The following NMNAT2 variants were observed in gnomAD, a reference collection of about 807,000 sequenced individuals.
NMNAT2 encodes nicotinamide/nicotinic acid mononucleotide adenylyltransferase 2.
NMNAT2 carries 11 observed loss-of-function variants against 41.6 expected under a neutral mutation model. That is an observed-to-expected ratio of 0.26 (90% confidence interval 0.17 to 0.44). The LOEUF is 0.44. Among genes scored for constraint, NMNAT2 ranks in the 20% least tolerant of loss-of-function variants. The pLI is 1.00. For synonymous variants in NMNAT2, 148 were observed against 151.2 expected (o/e 0.98, Z 0.16); for missense variants, 288 against 407.7 (o/e 0.71, Z 2.53).
rs75993232 is a variant in NMNAT2 at position 183,278,359 on chromosome 1, T to C, written c.651+194A>G. 7.1e-3 allele frequency among the ~76,000 whole-genome samples: 1,085 copies of C among 152,260 alleles called. 11 individuals are homozygous for C. Among genetic ancestry groups the C allele is most frequent in the African/African-American group, 0.025 (1,043 of 41,544 alleles). ...TCCCAGGGGCTTTACTGGAGCAAGC[T>C]TGAGGAGGAGTAAGTGTAAAAATGC... On this transcript the variant is annotated intron_variant, in intron 8 of 10. Coordinates refer to ENST00000287713, the MANE Select transcript of NMNAT2 (RefSeq NM_015039.4).
chr1:183,387,377 C>T (rs1274977901), intron 1 of NMNAT2, among the ~76,000 whole-genome samples: 6 of 151,920 alleles, frequency 3.9e-5, no homozygotes, highest in Non-Finnish European at 4.4e-5. Flanking sequence ...TTGAAGAATT[C>T]AGAAAATTAC....
intron 1 of NMNAT2, among the ~76,000 whole-genome samples, chr1:183,313,523 A>T (rs1410754811): frequency 6.6e-6 from 1 of 151,088 alleles, no homozygotes; most frequent in African/African-American, 2.4e-5. Context: ...TCTTTTGCCC[A>T]GGCTGGAGTG....
rs1571637398 is a variant in NMNAT2 at position 183,396,255 on chromosome 1, G to A, written c.85+21928C>T. Among the ~76,000 whole-genome samples the A allele has an allele frequency of 2.0e-5, 3 of 152,254 alleles. 1 individual carries two copies. The highest frequency in any genetic ancestry group is 4.2e-4 in the South Asian group (2 of 4,808). On this transcript the variant is annotated intron_variant, in intron 1 of 10. Coordinates refer to ENST00000287713, the MANE Select transcript of NMNAT2 (RefSeq NM_015039.4). Reference sequence around the variant, plus strand: ...AGGTAGTTAGGCATGAGCAGGGCAGGAGAGGTCTCCCCTGCCCTACCAGGA... The same window carrying A: ...AGGTAGTTAGGCATGAGCAGGGCAGAAGAGGTCTCCCCTGCCCTACCAGGA...
chr1:183,387,075 T>C (rs1648268524), intron 1 of NMNAT2, among the ~76,000 whole-genome samples: 1 of 151,574 alleles, frequency 6.6e-6, no homozygotes, highest in Non-Finnish European at 1.5e-5. Context: ...AGAAAAGCAA[T>C]AATAATATCA....
intron 1 of NMNAT2, among the ~76,000 whole-genome samples, chr1:183,305,763 C>T (rs1035931355): frequency 1.4e-5 from 2 of 143,800 alleles, no homozygotes; most frequent in Non-Finnish European, 3.0e-5. Flanking sequence ...TCTTGTTGCC[C>T]AGGCTGGAGT....
At chr1:183,342,942 G>T (rs1662851280) in intron 1 of NMNAT2, among the ~76,000 whole-genome samples, 2 of 151,334 alleles carry the variant, frequency 1.3e-5, no homozygotes, top group South Asian at 4.2e-4. Context: ...TGTAGAGATG[G>T]GGTCTTGCTT....
chr1:183,358,322 A>G (rs1663239806), intron 1 of NMNAT2, among the ~76,000 whole-genome samples: 1 of 152,154 alleles, frequency 6.6e-6, no homozygotes, highest in Admixed American at 6.5e-5. Flanking sequence ...AATGGGCTTA[A>G]TATCTGGGCA....
chr1:183,326,145 C>T (rs1431033519), intron 1 of NMNAT2, among the ~76,000 whole-genome samples: 10 of 151,974 alleles, frequency 6.6e-5, no homozygotes, highest in Non-Finnish European at 1.5e-5. Flanking sequence ...GGAGGCCGAG[C>T]TGGGTGGATC....
chr1:183,339,158 T>TA (rs1662740414), intron 1 of NMNAT2, among the ~76,000 whole-genome samples: 1 of 151,760 alleles, frequency 6.6e-6, no homozygotes, highest in Non-Finnish European at 1.5e-5. Context: ...AGTGCAGTGG[T>TA]ACGATCTCGG....
chr1:183,348,407 A>G (rs1422510766), intron 1 of NMNAT2, among the ~76,000 whole-genome samples: 1 of 152,200 alleles, frequency 6.6e-6, no homozygotes, highest in Non-Finnish European at 1.5e-5. Flanking sequence ...ATCAAAACCC[A>G]TCCATTGAGC....
At chr1:183,317,706 A>G (rs761519098) in intron 1 of NMNAT2, among the ~76,000 whole-genome samples, 3 of 152,210 alleles carry the variant, frequency 2.0e-5, no homozygotes, top group Non-Finnish European at 4.4e-5. Context: ...CTGGCCAAGA[A>G]GTGAAGGCCC....
intron 3 of NMNAT2, among the ~76,000 whole-genome samples, chr1:183,291,371 T>G (rs1661536338): frequency 6.6e-6 from 1 of 151,896 alleles, no homozygotes; most frequent in Non-Finnish European, 1.5e-5. Flanking sequence ...GGACCCTGGC[T>G]CCCCCTAGAT....
intron 3 of NMNAT2, among the ~76,000 whole-genome samples, chr1:183,290,480 G>A (rs1661512419): frequency 6.6e-6 from 1 of 152,192 alleles, no homozygotes; most frequent in Admixed American, 6.5e-5. Context: ...GCAACTGTGT[G>A]GCTTTGGGAA....
intron 8 of NMNAT2, among the ~76,000 whole-genome samples, chr1:183,270,866 C>T (rs1293645743): frequency 6.6e-6 from 1 of 152,188 alleles, no homozygotes. Context: ...CCTGAATAGC[C>T]AAAGTTTGTC....
intron 10 of NMNAT2, among the ~76,000 whole-genome samples, chr1:183,256,878 A>C (rs565523763): frequency 6.6e-6 from 1 of 151,974 alleles, no homozygotes; most frequent in Admixed American, 6.6e-5. Context: ...CAGCCTCCCA[A>C]GTAGCTGGGA....
At chr1:183,336,357 AG>A (rs1662677921) in intron 1 of NMNAT2, among the ~76,000 whole-genome samples, 1 of 152,256 alleles carries the variant, frequency 6.6e-6, no homozygotes, top group Non-Finnish European at 1.5e-5. Context: ...TAAATGCAAA[AG>A]AAAATTACAA....
At chr1:183,373,342 T>A (rs1184568155) in intron 1 of NMNAT2, among the ~76,000 whole-genome samples, 1 of 152,176 alleles carries the variant, frequency 6.6e-6, no homozygotes, top group Non-Finnish European at 1.5e-5. Context: ...AAAGGGTCCT[T>A]TACATGGGAC....
chr1:183,329,207 C>T (rs10911311), intron 1 of NMNAT2, among the ~76,000 whole-genome samples: 68,158 of 151,964 alleles, frequency 0.45, 16,285 homozygotes, highest in East Asian at 0.78. Context: ...TTGTTGTATT[C>T]CTTTAATTCA....
chr1:183,274,165 A>G (rs1028502503), intron 8 of NMNAT2, among the ~76,000 whole-genome samples: 3 of 151,888 alleles, frequency 2.0e-5, no homozygotes, highest in African/African-American at 4.8e-5. Flanking sequence ...CACCCACTTC[A>G]GACTCCCAAA....
Sources: gnomAD v4.1 joint callset for allele counts (sites outside exome capture counted in the v4.1 genomes callset) on GRCh38, gnomAD v4.1.1 for gene constraint, MANE v1.5 for transcripts, NCBI Gene and HGNC (gene_info 2026-07-23, HGNC 2026-07-21) for gene names.